Variants in RPN2 observed in about 807,000 individuals in gnomAD.
RPN2 encodes ribophorin II, also known as dolichyl-diphosphooligosaccharide--protein glycosyltransferase subunit 2.
RPN2 carries 29 observed loss-of-function variants against 71.4 expected under a neutral mutation model. That is an observed-to-expected ratio of 0.41 (90% confidence interval 0.30 to 0.55). RPN2 has a LOEUF of 0.55. Ranked by LOEUF, RPN2 falls within the 20% of genes least tolerant of loss-of-function variation. The pLI, the probability that RPN2 is intolerant of heterozygous loss-of-function variation, is 0.35. For missense variants in RPN2, 726 were observed against 774.1 expected (o/e 0.94, Z 0.74); for synonymous variants, 308 against 305.0 (o/e 1.01, Z -0.10).
chr20:37,229,867 A>G, intron 12 of RPN2, 106 bp from the exon 13 acceptor site: 1 of 870,470 alleles, frequency 1.1e-6, no homozygotes, highest in Middle Eastern at 2.7e-4. Context: ...GACTGCCTGG[A>G]GCTTTTTTCA....
At chr20:37,236,547 T>C in intron 15 of RPN2, 33 bp from the exon 16 acceptor site, 1 of 1,613,148 alleles carries the variant, frequency 6.2e-7, no homozygotes, top group Non-Finnish European at 8.5e-7. Flanking sequence ...TTATGTTTCA[T>C]TTAATTGGAT....
chr20:37,181,147 T>C (rs1257978290), intron 1 of RPN2, among the ~76,000 whole-genome samples: 2 of 151,896 alleles, frequency 1.3e-5, no homozygotes, highest in African/African-American at 4.8e-5. Flanking sequence ...GAGAATCGCT[T>C]GAACCCGGGA....
At chr20:37,190,141 A>G (rs1430920913) in intron 2 of RPN2, among the ~76,000 whole-genome samples, 23 of 152,148 alleles carry the variant, frequency 1.5e-4, no homozygotes, top group Non-Finnish European at 1.3e-4. Context: ...TCACGGAGGA[A>G]TGAGGTGCTC....
chr20:37,224,105 T>A, intron 10 of RPN2, 136 bp downstream of exon 10: 1 of 738,348 alleles, frequency 1.4e-6, no homozygotes, highest in Non-Finnish European at 2.4e-6. Flanking sequence ...AAAGAGTCTG[T>A]AGTTCCACTG....
intron 2 of RPN2, among the ~76,000 whole-genome samples, chr20:37,194,291 C>T (rs562545990): frequency 5.3e-5 from 8 of 151,948 alleles, no homozygotes; most frequent in African/African-American, 1.7e-4. Flanking sequence ...TTGAAAGTTT[C>T]GCTCTTGTCA....
chr20:37,184,401 G>A, intron 2 of RPN2, 28 bp downstream of exon 2: 1 of 1,597,570 alleles, frequency 6.3e-7, no homozygotes, highest in Non-Finnish European at 8.6e-7. Flanking sequence ...CTGGTGGTCA[G>A]GGTGGTTCAG....
chr20:37,215,572 C>T (rs541981684), intron 9 of RPN2, among the ~76,000 whole-genome samples: 18 of 151,954 alleles, frequency 1.2e-4, no homozygotes, highest in African/African-American at 4.1e-4. Context: ...CCCTGTACTT[C>T]GAGTCCATCT....
intron 8 of RPN2, among the ~76,000 whole-genome samples, chr20:37,213,241 AG>A (rs1190343043): frequency 6.6e-6 from 1 of 152,190 alleles, no homozygotes; most frequent in Non-Finnish European, 1.5e-5. Flanking sequence ...TTTGAATTTT[AG>A]GAGTGGTGGG....
intron 6 of RPN2, among the ~76,000 whole-genome samples, 190 bp from the exon 7 acceptor site, chr20:37,207,082 AC>A (rs753077770): frequency 9.5e-4 from 145 of 152,282 alleles, no homozygotes; most frequent in Non-Finnish European, 1.6e-3. Flanking sequence ...GGAAAAAAAA[AC>A]AACCACATCC....
At chr20:37,226,846 C>T (rs764962290) in intron 11 of RPN2, among the ~76,000 whole-genome samples, 3 of 152,120 alleles carry the variant, frequency 2.0e-5, no homozygotes, top group Middle Eastern at 3.2e-3. Context: ...TTTAGTGTTA[C>T]GTGAAGGAAG....
rs532495023 is a variant in RPN2 at position 37,187,501 on chromosome 20, CA to C, written c.207+3147del. ...TGGGCGACAGAGCGAGACTCCGTCT[CA>C]AAAAAAAAAAAAAAAAAAGATCAAT... On this transcript the variant is annotated intron_variant, in intron 2 of 16. Transcript: ENST00000237530. 3.2e-3 allele frequency among the ~76,000 whole-genome samples: 28 copies of C among 8,732 alleles called. 7 individuals are homozygous for C. Among genetic ancestry groups the C allele is most frequent in the South Asian group, 0.015 (5 of 334 alleles). 5.7% of individuals were successfully genotyped at this position (8,732 alleles called of 152,430 possible).
At chr20:37,208,091 G>A (rs2067559328) in intron 7 of RPN2, among the ~76,000 whole-genome samples, 1 of 151,854 alleles carries the variant, frequency 6.6e-6, no homozygotes, top group East Asian at 2.0e-4. Context: ...CCAACATGGT[G>A]AAACCCCATC....
Position 37,207,389 on chromosome 20 carries a change from G to A in RPN2, c.807G>A (p.Val269=). Residue 269 remains valine (V), a synonymous_variant, in exon 7 of 17, where the codon GTG becomes GTA. Transcript: ENST00000237530. ...TGCTCTCGCATAATCGCTACCACGT[G>A]CCAGTTGTGGTTGTGCCTGAGGGCT... ...AAVLSHNRYH[V]PVVVVPEGSA... is the part of the protein sequence containing the mutation. 1.2e-6 allele frequency: 2 copies of A among 1,614,152 alleles called. No homozygotes were observed. The highest frequency in any genetic ancestry group is 1.7e-6 in the Non-Finnish European group (2 of 1,179,954).
In RPN2 at chr20:37,207,366, C is replaced by G. The variant is rs1330664131; in HGVS notation, c.784C>G (p.Leu262Val). 6.2e-7 allele frequency: 1 copy of G among 1,614,094 alleles called. No individual in the cohort carries two copies. The highest frequency in any genetic ancestry group is 8.5e-7 in the Non-Finnish European group (1 of 1,179,888). Reference sequence around the variant, plus strand: ...CAGCGTGGCCTCTGCAGCTGCTGTGCTCTCGCATAATCGCTACCACGTGCC... The same window carrying G: ...CAGCGTGGCCTCTGCAGCTGCTGTGGTCTCGCATAATCGCTACCACGTGCC... ...AFSVASAAAV[L>V]SHNRYHVPVV... Residue 262 changes from leucine (L) to valine (V), a missense_variant, in exon 7 of 17, where the codon CTC becomes GTC. Coordinates refer to ENST00000237530, the MANE Select transcript of RPN2 (RefSeq NM_002951.5).
chr20:37,201,693 T>G (rs571833644), intron 4 of RPN2, among the ~76,000 whole-genome samples: 1 of 152,220 alleles, frequency 6.6e-6, no homozygotes, highest in African/African-American at 2.4e-5. Context: ...ACCTGGAGAA[T>G]GTCTCGTAGG....
intron 12 of RPN2, 34 bp from the exon 13 acceptor site, chr20:37,229,939 C>T (rs1298824507): frequency 1.3e-6 from 2 of 1,496,660 alleles, no homozygotes; most frequent in Non-Finnish European, 1.9e-6. Context: ...CTTCTCTGCC[C>T]CTGTGCTTTT....
intron 4 of RPN2, among the ~76,000 whole-genome samples, chr20:37,199,997 ATTT>A (rs756887601): frequency 7.0e-6 from 1 of 143,048 alleles, no homozygotes; most frequent in African/African-American, 2.6e-5. Flanking sequence ...CGCCTAGCTA[ATTT>A]TTTTTTTTTT....
At chr20:37,183,687 C>G (rs2066934072) in intron 1 of RPN2, among the ~76,000 whole-genome samples, 1 of 152,112 alleles carries the variant, frequency 6.6e-6, no homozygotes, top group Admixed American at 6.5e-5. Flanking sequence ...GGAACTAATC[C>G]TAGGGAGAGC....
intron 1 of RPN2, among the ~76,000 whole-genome samples, chr20:37,181,391 A>G (rs562712908): frequency 6.6e-6 from 1 of 151,222 alleles, no homozygotes; most frequent in East Asian, 1.9e-4. Flanking sequence ...GTATGTGTAC[A>G]TACTCCTGAT....
Sources: allele counts gnomAD v4.1 joint callset (sites outside exome capture counted in the v4.1 genomes callset), GRCh38; gene constraint gnomAD v4.1.1; transcripts MANE v1.5; gene names NCBI Gene and HGNC (gene_info 2026-07-23, HGNC 2026-07-21).